The following AFF3 variants were observed in gnomAD, a reference collection of about 807,000 sequenced individuals.
The protein encoded by AFF3 is ALF transcription elongation factor 3, also known as AF4/FMR2 family member 3.
A neutral mutation model predicts 129.7 loss-of-function variants in AFF3; 32 were observed. The ratio of observed to expected loss-of-function variants is 0.25; its 90% CI spans 0.19 to 0.33. The LOEUF is 0.33. Ranked by LOEUF, AFF3 falls within the 10% of genes least tolerant of loss-of-function variation. The probability of loss-of-function intolerance (pLI) is 1.00; values close to 1 mark genes in which losing one functional copy is unlikely to be tolerated. For missense variants in AFF3, 1,373 were observed against 1,592.0 expected (o/e 0.86, Z 2.34); for synonymous variants, 644 against 635.4 (o/e 1.01, Z -0.20).
chr2:100,116,260 C>T (rs1691730085), intron 2 of AFF3, among the ~76,000 whole-genome samples: 1 of 151,950 alleles, frequency 6.6e-6, no homozygotes, highest in African/African-American at 2.4e-5. Context: ...TTGTAAACAA[C>T]ATATAGCTCT....
chr2:99,591,110 T>C (rs1678628136), intron 15 of AFF3, among the ~76,000 whole-genome samples: 1 of 152,204 alleles, frequency 6.6e-6, no homozygotes, highest in African/African-American at 2.4e-5. Context: ...CTTCAAATTC[T>C]ACTTTATAGG....
chr2:100,095,340 G>C (rs1301160081), intron 4 of AFF3, among the ~76,000 whole-genome samples: 1 of 152,036 alleles, frequency 6.6e-6, no homozygotes, highest in Admixed American at 6.6e-5. Flanking sequence ...GGAAGAGTTA[G>C]AACAGTGGAA....
intron 7 of AFF3, among the ~76,000 whole-genome samples, chr2:99,894,569 C>G (rs910937750): frequency 1.3e-5 from 2 of 151,390 alleles, no homozygotes; most frequent in Non-Finnish European, 2.9e-5. Context: ...CCTGGGTTCA[C>G]GCCATTCTCC....
intron 8 of AFF3, among the ~76,000 whole-genome samples, chr2:99,777,972 C>CA (rs1684069777): frequency 1.5e-5 from 1 of 68,378 alleles, no homozygotes; most frequent in African/African-American, 5.5e-5. Flanking sequence ...AAAAAAAAAA[C>CA]AAAATGCAAA....
chr2:99,595,506 G>T (rs1652220844), intron 14 of AFF3, among the ~76,000 whole-genome samples: 1 of 152,008 alleles, frequency 6.6e-6, no homozygotes, highest in Admixed American at 6.5e-5. Flanking sequence ...AGCAAATTGG[G>T]TCTGTTGCCA....
rs897828500 is a variant in AFF3 at position 99,554,259 on chromosome 2, G to A, written c.3559+52C>T. The stretch of plus-strand genomic sequence containing the variant: ...CTCAGGAGGCCGAGGCAGAAGAATC[G>A]CTTGAACCCGGGAGGCGGAAGCCCC... On this transcript the variant is annotated intron_variant, in intron 24 of 24. Coordinates refer to ENST00000672756, the MANE Select transcript of AFF3 (RefSeq NM_001386135.1). The A allele has an allele frequency of 6.3e-6, 10 of 1,590,762 alleles. No individual in the cohort carries two copies. In the South Asian group the frequency reaches 7.7e-5, roughly 12 times the overall value.
At chr2:99,958,511 A>T (rs947437145) in intron 7 of AFF3, among the ~76,000 whole-genome samples, 6 of 151,608 alleles carry the variant, frequency 4.0e-5, no homozygotes, top group Non-Finnish European at 8.8e-5. Flanking sequence ...GGGAGGACAC[A>T]ATGCGACACA....
intron 7 of AFF3, among the ~76,000 whole-genome samples, chr2:99,921,300 T>TA (rs769638257): frequency 1.0e-3 from 155 of 152,246 alleles, no homozygotes; most frequent in Non-Finnish European, 1.8e-3. Flanking sequence ...ACAAAATTCT[T>TA]AGAGTAGTCT....
At chr2:99,811,120 G>A (rs1248224919) in intron 8 of AFF3, among the ~76,000 whole-genome samples, 1 of 152,294 alleles carries the variant, frequency 6.6e-6, no homozygotes, top group East Asian at 1.9e-4. Flanking sequence ...GTGCTTTTCT[G>A]CCTACCACAT....
chr2:99,777,776 G>C (rs1325324611), intron 8 of AFF3, among the ~76,000 whole-genome samples: 1 of 151,578 alleles, frequency 6.6e-6, no homozygotes, highest in Non-Finnish European at 1.5e-5. Context: ...GCTACCTGTA[G>C]GCCATGTCTT....
At chr2:99,827,749 A>G (rs1049209027) in intron 8 of AFF3, among the ~76,000 whole-genome samples, 8 of 152,006 alleles carry the variant, frequency 5.3e-5, no homozygotes, top group Admixed American at 5.2e-4. Context: ...ACTGAGAATG[A>G]GATGCCAGCA....
intron 7 of AFF3, among the ~76,000 whole-genome samples, chr2:99,925,946 G>C (rs1696209284): frequency 1.3e-5 from 2 of 152,148 alleles, no homozygotes; most frequent in African/African-American, 4.8e-5. Flanking sequence ...AATAATGTTG[G>C]GATATAAGCT....
chr2:99,694,404 A>AGAGGAAGCTGGGTGCCCTAGACATGAGT (rs1195820247), intron 11 of AFF3, among the ~76,000 whole-genome samples: 5 of 152,120 alleles, frequency 3.3e-5, no homozygotes, highest in African/African-American at 9.7e-5. Context: ...AGTGGCAGGC[A>AGAGGAAGCTGGGTGCCCTAGACATGAGT]GAGGAAGCTG....
chr2:99,675,244 A>G (rs545588786), intron 11 of AFF3, among the ~76,000 whole-genome samples: 109 of 152,372 alleles, frequency 7.2e-4, no homozygotes, highest in South Asian at 2.1e-3. Flanking sequence ...AGACTTCAAG[A>G]GAAGTTCAAA....
At chr2:99,789,049 G>T (rs1415858398) in intron 8 of AFF3, among the ~76,000 whole-genome samples, 1 of 152,124 alleles carries the variant, frequency 6.6e-6, no homozygotes, top group African/African-American at 2.4e-5. Context: ...CAATGAAATG[G>T]CCTAACGACA....
intron 7 of AFF3, among the ~76,000 whole-genome samples, chr2:99,885,044 G>A (rs540363066): frequency 6.6e-6 from 1 of 152,082 alleles, no homozygotes; most frequent in Non-Finnish European, 1.5e-5. Flanking sequence ...AGCTTCCACT[G>A]TTCAGTTCTC....
chr2:99,892,138 T>G (rs929848940), intron 7 of AFF3, among the ~76,000 whole-genome samples: 5 of 152,200 alleles, frequency 3.3e-5, no homozygotes, highest in African/African-American at 1.2e-4. Flanking sequence ...CACCAGCTTT[T>G]GAAGGTCTCG....
chr2:99,593,863 C>G lies in AFF3; in HGVS notation c.1798G>C (p.Ala600Pro), dbSNP rs2104979557. Reference protein sequence around the residue: ...RTERTSAGDGANCHRPEEPAA... With the variant: ...RTERTSAGDGPNCHRPEEPAA... ...GGCTCCTCGGGCCGGTGGCAGTTGG[C>G]GCCGTCCCCGGCTGAGGTCCTCTCG... Residue 600 changes from alanine to proline, a missense_variant, in exon 15 of 25, where the codon GCC becomes CCC. Ala to Pro is a conservative substitution (Grantham distance 27, BLOSUM62 -1). This residue lies in a region of AFF3 where 466 missense variants were observed against 505.0 expected (regional missense o/e 0.92). Transcript: ENST00000672756. 1.3e-6 allele frequency: 2 copies of G among 1,574,528 alleles called. No individual in the cohort carries two copies. The highest frequency in any genetic ancestry group is 1.1e-5 in the South Asian group (1 of 87,752).
chr2:99,567,134 A>ATTT (rs35594854), intron 19 of AFF3, among the ~76,000 whole-genome samples: 2 of 130,026 alleles, frequency 1.5e-5, no homozygotes, highest in Non-Finnish European at 1.6e-5. Flanking sequence ...CACCTGGCTC[A>ATTT]TTTTTTTTTT....
Sources: allele counts gnomAD v4.1 joint callset (sites outside exome capture counted in the v4.1 genomes callset), GRCh38; gene constraint gnomAD v4.1.1; regional missense constraint gnomAD v4.1.1; transcripts MANE v1.5; gene names NCBI Gene and HGNC (gene_info 2026-07-23, HGNC 2026-07-21).